The following MTMR2 variants were observed in gnomAD, a reference collection of about 807,000 sequenced individuals.
The protein encoded by MTMR2 is myotubularin related protein 2.
MTMR2 carries 55 observed loss-of-function variants against 86.9 expected under a neutral mutation model. The ratio of observed to expected loss-of-function variants is 0.63; its 90% CI spans 0.51 to 0.79. The LOEUF (loss-of-function observed/expected upper bound fraction) is 0.79, where lower values mean the gene tolerates loss of function less well. Ranked by LOEUF, MTMR2 falls within the 30% of genes least tolerant of loss-of-function variation. MTMR2 has a pLI of 0.00. For synonymous variants in MTMR2, 241 were observed against 266.8 expected, an observed-to-expected ratio of 0.90 and a Z score of 0.94; for missense variants, 659 against 772.3, an observed-to-expected ratio of 0.85 and a Z score of 1.74.
At position 95,836,334 on chromosome 11, in the gene MTMR2, G is replaced by A. The variant is rs71473257; in HGVS notation, c.1594-10C>T. On this transcript the variant is annotated splice_polypyrimidine_tract_variant and intron_variant, in intron 13 of 14. Coordinates refer to ENST00000346299, the MANE Select transcript of MTMR2 (RefSeq NM_016156.6). ...TCCTTTTAGGAAGATTCTGTAGGCA[G>A]GAAAAATAGGTAAAGATTCTCCACC... 7.6e-6 allele frequency: 12 copies of A among 1,589,356 alleles called. No individual in the cohort carries two copies. Among genetic ancestry groups the A allele is most frequent in the South Asian group, 1.1e-5 (1 of 90,972 alleles).
At chr11:95,841,763 T>C in intron 11 of MTMR2, 54 bp from the exon 12 acceptor site, 1 of 1,387,712 alleles carries the variant, frequency 7.2e-7, no homozygotes, top group Non-Finnish European at 1.0e-6. Flanking sequence ...CATGTTTTGA[T>C]GGAAATAATT....
intron 1 of MTMR2, among the ~76,000 whole-genome samples, chr11:95,900,293 CT>C (rs1866023764): frequency 6.6e-6 from 1 of 152,010 alleles, no homozygotes; most frequent in African/African-American, 2.4e-5. Context: ...TAGGTGACAG[CT>C]AAATCAAATC....
chr11:95,845,231 C>T, intron 10 of MTMR2, 72 bp from the exon 11 acceptor site: 2 of 1,228,256 alleles, frequency 1.6e-6, no homozygotes, highest in East Asian at 2.5e-5. Flanking sequence ...TTTACTAATA[C>T]AGCTTATCAG....
intron 9 of MTMR2, among the ~76,000 whole-genome samples, chr11:95,848,393 C>CT (rs1863884853): frequency 6.6e-6 from 1 of 152,098 alleles, no homozygotes; most frequent in Non-Finnish European, 1.5e-5. Context: ...TGACCTGCTT[C>CT]TTTTTTAACC....
chr11:95,837,373 A>C (rs1863331119), intron 13 of MTMR2, among the ~76,000 whole-genome samples: 1 of 152,086 alleles, frequency 6.6e-6, no homozygotes, highest in South Asian at 2.1e-4. Flanking sequence ...ACTTATTCCT[A>C]CTGTGCTTTA....
At chr11:95,907,426 A>G (rs1866322143) in intron 1 of MTMR2, among the ~76,000 whole-genome samples, 1 of 152,118 alleles carries the variant, frequency 6.6e-6, no homozygotes. Context: ...GACAAATTCT[A>G]CTAGATGCAT....
Position 95,847,698 on chromosome 11 carries a change from A to T in MTMR2, c.1179+16T>A, listed in dbSNP as rs777156783. 5.1e-6 allele frequency: 8 copies of T among 1,579,564 alleles called. No individual in the cohort carries two copies. Among genetic ancestry groups the T allele is most frequent in the Non-Finnish European group, 6.9e-6 (8 of 1,151,192 alleles). On this transcript the variant is annotated intron_variant, in intron 10 of 14. Transcript: ENST00000346299. ...TAGAGAGAGTCTTTGTTTGGGATAT[A>T]GTAACACACACCCACCTTAATATGT...
chr11:95,889,090 A>G (rs756781610), intron 1 of MTMR2, among the ~76,000 whole-genome samples: 5 of 152,040 alleles, frequency 3.3e-5, no homozygotes, highest in African/African-American at 4.8e-5. Context: ...CATTATAAGT[A>G]ATCACTCTAC....
Position 95,836,236 on chromosome 11 carries a change from T to C in MTMR2, c.1682A>G (p.Asn561Ser). 1.9e-6 allele frequency: 3 copies of C among 1,612,944 alleles called. No homozygotes were observed. The highest frequency in any genetic ancestry group is 2.7e-5 in the African/African-American group (2 of 74,942). Residue 561 changes from asparagine to serine, a missense_variant, in exon 14 of 15, where the codon AAT becomes AGT. Around this residue, in one of 3 missense-constraint regions of MTMR2, gnomAD observed 193 missense variants for 191.6 expected, o/e 1.01. Transcript: ENST00000346299. ...GCTGGCTACTGGATAAAGGACATGA[T>C]TGGAATAGCTCCCATAGAGAGGATT... Reference protein sequence around the residue: ...FTNPLYGSYSNHVLYPVASMR... With the variant: ...FTNPLYGSYSSHVLYPVASMR...
At chr11:95,851,524 G>A (rs934624454) in intron 7 of MTMR2, among the ~76,000 whole-genome samples, 3 of 152,028 alleles carry the variant, frequency 2.0e-5, no homozygotes, top group Non-Finnish European at 4.4e-5. Flanking sequence ...CACCATGCCC[G>A]GCTAATTTTG....
intron 1 of MTMR2, chr11:95,912,994 T>C (rs1185661134): frequency 6.6e-6 from 1 of 152,126 alleles, no homozygotes; most frequent in Admixed American, 6.6e-5. Context: ...GAAACTTAAA[T>C]CCAGGTAGAA....
chr11:95,870,461 T>C (rs926450228), intron 2 of MTMR2, among the ~76,000 whole-genome samples: 1 of 152,088 alleles, frequency 6.6e-6, no homozygotes, highest in Non-Finnish European at 1.5e-5. Flanking sequence ...AATAGAATCC[T>C]GGATTAGTCT....
intron 6 of MTMR2, among the ~76,000 whole-genome samples, chr11:95,857,842 C>A (rs1365568865): frequency 6.6e-6 from 1 of 152,100 alleles, no homozygotes; most frequent in Admixed American, 6.5e-5. Flanking sequence ...AAAGCAAAGA[C>A]ACTTGCCAAC....
At chr11:95,838,532 A>G (rs777713066) in intron 12 of MTMR2, among the ~76,000 whole-genome samples, 3 of 152,058 alleles carry the variant, frequency 2.0e-5, no homozygotes, top group Non-Finnish European at 4.4e-5. Context: ...AATTTTCAAG[A>G]ACATAGTTGT....
intron 1 of MTMR2, among the ~76,000 whole-genome samples, chr11:95,920,501 A>G (rs1413843010): frequency 6.7e-6 from 1 of 148,864 alleles, no homozygotes; most frequent in African/African-American, 2.5e-5. Flanking sequence ...TTTTTTTTTA[A>G]AGATGCAGGA....
chr11:95,859,179 C>CTAAAA lies in MTMR2; in HGVS notation c.469-548_469-547insTTTTA, dbSNP rs1284536593. 2.6e-5 allele frequency among the ~76,000 whole-genome samples: 4 copies of CTAAAA among 152,164 alleles called. No homozygotes were observed. In the South Asian group the frequency reaches 8.3e-4, roughly 31 times the overall value. On this transcript the variant is annotated intron_variant, in intron 5 of 14. Transcript: ENST00000346299. ...CCTGCTACTAGTAGACTTGATAGAA[C>CTAAAA]TAAACCCTGCCTGAAAGTGTTCCTT...
intron 1 of MTMR2, among the ~76,000 whole-genome samples, chr11:95,902,141 T>C (rs971694523): frequency 5.9e-5 from 9 of 152,186 alleles, no homozygotes; most frequent in Middle Eastern, 3.2e-3. Flanking sequence ...CATGTGACCA[T>C]GGGCAGGGTG....
intron 1 of MTMR2, among the ~76,000 whole-genome samples, chr11:95,899,031 T>G (rs907794716): frequency 6.6e-6 from 1 of 152,162 alleles, no homozygotes; most frequent in Non-Finnish European, 1.5e-5. Flanking sequence ...GAATAATAAG[T>G]TGATATTTCT....
chr11:95,873,592 T>C lies in MTMR2; in HGVS notation c.187-7916A>G, dbSNP rs186646877. Among the ~76,000 whole-genome samples the C allele has an allele frequency of 9.2e-5, 14 of 152,248 alleles. No individual in the cohort carries two copies. The East Asian group carries it at 2.5e-3, about 27-fold the overall frequency. On this transcript the variant is annotated intron_variant, in intron 2 of 14. Coordinates refer to ENST00000346299, the MANE Select transcript of MTMR2 (RefSeq NM_016156.6). ...TTTTGAAGGGTTTTTTGTGTCTCTATCTCCTTCAGTTCTGCTCTGATCTTA... is the reference window on the plus strand; with the variant it reads ...TTTTGAAGGGTTTTTTGTGTCTCTACCTCCTTCAGTTCTGCTCTGATCTTA...
Sources: gnomAD v4.1 joint callset for allele counts (sites outside exome capture counted in the v4.1 genomes callset) on GRCh38, gnomAD v4.1.1 for gene constraint, gnomAD v4.1.1 regional missense constraint, MANE v1.5 for transcripts, NCBI Gene and HGNC (gene_info 2026-07-23, HGNC 2026-07-21) for gene names.